Variants in TG observed in about 807,000 individuals in gnomAD.
TG encodes the protein thyroid hormones.
A neutral mutation model predicts 324.7 loss-of-function variants in TG; 270 were observed. That is an observed-to-expected ratio of 0.83 (90% CI 0.75 to 0.92). The LOEUF is 0.92. TG is among the 40% of genes least tolerant of loss of function. TG has a pLI of 0.00. For synonymous variants in TG, 1,401 were observed against 1,327.0 expected, an observed-to-expected ratio of 1.06 and a Z score of -1.21; for missense variants, 3,591 against 3,456.4, an observed-to-expected ratio of 1.04 and a Z score of -0.98.
chr8:132,921,962 A>G (rs1821170400), intron 21 of TG, among the ~76,000 whole-genome samples: 1 of 152,202 alleles, frequency 6.6e-6, no homozygotes, highest in South Asian at 2.1e-4. Context: ...ATTATCTTTC[A>G]CCTACTTCCC....
intron 41 of TG, among the ~76,000 whole-genome samples, chr8:133,041,208 C>T (rs1419469031): frequency 6.6e-6 from 1 of 152,242 alleles, no homozygotes. Context: ...CACCCCTGGC[C>T]TCAGAGCCAA....
chr8:132,882,893 C>T lies in TG; in HGVS notation c.969C>T (p.Gly323=). Reference sequence around the variant, plus strand: ...ATGTTCCAAGCTGCCGCCGAAATGGCGACTATCAGGCGGTGCAGTGCCAGA... The same window carrying T: ...ATGTTCCAAGCTGCCGCCGAAATGGTGACTATCAGGCGGTGCAGTGCCAGA... The part of the protein sequence containing the change: ...HPYVPSCRRN[G]DYQAVQCQTE... The change falls in exon 8 of 48, where the codon GGC becomes GGT. Residue 323 remains glycine, a synonymous_variant. Coordinates refer to ENST00000220616, the MANE Select transcript of TG (RefSeq NM_003235.5). 2 of 1,614,072 alleles carry T rather than the reference C, an allele frequency of 1.2e-6. No homozygotes were observed. Among genetic ancestry groups the T allele is most frequent in the East Asian group, 2.2e-5 (1 of 44,892 alleles).
At chr8:132,883,999 T>C (rs1047840245) in intron 8 of TG, among the ~76,000 whole-genome samples, 6 of 152,194 alleles carry the variant, frequency 3.9e-5, no homozygotes, top group African/African-American at 1.4e-4. Flanking sequence ...CAGCAATCTG[T>C]GCATTCTTTG....
intron 34 of TG, among the ~76,000 whole-genome samples, chr8:132,977,452 C>T (rs1830302493): frequency 6.6e-6 from 1 of 152,132 alleles, no homozygotes; most frequent in African/African-American, 2.4e-5. Context: ...AGCCCATTAA[C>T]ACTATGTATT....
chr8:133,132,020 G>A lies in TG; in HGVS notation c.7997+74G>A. 8 of 1,594,918 alleles carry A rather than the reference G, an allele frequency of 5.0e-6. No individual in the cohort carries two copies. In the South Asian group the frequency reaches 8.9e-5, roughly 18 times the overall value. On this transcript the variant is annotated intron_variant, in intron 46 of 47. Coordinates refer to ENST00000220616, the MANE Select transcript of TG (RefSeq NM_003235.5). ...CGCTTCCTTCAAGCAGAACGCAAAG[G>A]CCCAATTTGCATCGATAGACTCATC...
rs1817514765 is a variant in TG, at chr8:132,898,826, C to G, written c.3246C>G (p.Thr1082=). The change falls in exon 14 of 48, where the codon ACC becomes ACG. Residue 1082 remains threonine (T), a synonymous_variant. Coordinates refer to ENST00000220616, the MANE Select transcript of TG (RefSeq NM_003235.5). ...QCPTTCEKSR[T]SGLLSSWKQA... ...CGACAACCTGCGAGAAATCTCGAAC[C>G]AGTGGGCTGCTTTCCAGTTGGAAAC... The G allele has an allele frequency of 1.9e-6, 3 of 1,614,190 alleles. No homozygotes were observed. The highest frequency in any genetic ancestry group is 2.5e-6 in the Non-Finnish European group (3 of 1,180,032).
At position 133,131,944 on chromosome 8, in the gene TG, A is replaced by T. The variant is rs757648046; in HGVS notation, c.7995A>T (p.Ser2665=). ...AGTACTTTTCCCACTTCATCAGATCAGGGTAATTTTGGACCACTTGTTCAG... is the reference window on the plus strand; with the variant it reads ...AGTACTTTTCCCACTTCATCAGATCTGGGTAATTTTGGACCACTTGTTCAG... ...IMQYFSHFIR[S]GNPNYPYEFS... is the part of the protein sequence containing the mutation. Residue 2665 remains serine, a splice_region_variant and synonymous_variant, in exon 46 of 48, where the codon TCA becomes TCT. Transcript: ENST00000220616. 1.2e-6 allele frequency: 2 copies of T among 1,614,034 alleles called. No individual in the cohort carries two copies. Among genetic ancestry groups the T allele is most frequent in the South Asian group, 2.2e-5 (2 of 91,072 alleles).
chr8:132,952,537 A>G (rs924065149), intron 27 of TG, among the ~76,000 whole-genome samples: 1 of 152,160 alleles, frequency 6.6e-6, no homozygotes, highest in African/African-American at 2.4e-5. Flanking sequence ...TCGGGTGCAG[A>G]CACCTGCTTT....
At position 132,886,691 on chromosome 8, in the gene TG, T is replaced by G; in HGVS notation, c.1319T>G (p.Leu440Arg). The G allele has an allele frequency of 6.2e-7, 1 of 1,614,204 alleles. No individual in the cohort carries two copies. The highest frequency in any genetic ancestry group is 1.1e-5 in the South Asian group (1 of 91,084). ...CAGTTTTCTGTCTCAGAAAATCTTC[T>G]CAAAGAAGCCATCCGAGCAATTTTT... ...SQQFSVSENL[L>R]KEAIRAIFPS... Residue 440 changes from leucine to arginine, a missense_variant, in exon 9 of 48, where the codon CTC becomes CGC. Transcript: ENST00000220616.
intron 41 of TG, among the ~76,000 whole-genome samples, chr8:133,071,439 T>C (rs938032666): frequency 1.3e-5 from 2 of 152,180 alleles, no homozygotes; most frequent in East Asian, 1.9e-4. Flanking sequence ...AGAGCTCTCC[T>C]TTTTTCTGGC....
In TG at chr8:132,883,379, C is replaced by T. The variant is rs577060658; in HGVS notation, c.1075+380C>T. 11 of 257,296 alleles carry T rather than the reference C, an allele frequency of 4.3e-5. No individual in the cohort carries two copies. The South Asian group carries it at 5.8e-4, about 14-fold the overall frequency. The allele number at this position is 257,296 out of a possible 1,614,324, so 15.9% of individuals were successfully genotyped here. ...ATTTAGGAAGAATGCATGGAAGAGGCCATACTTGATCAGAATCTTCTAAGA... is the reference window on the plus strand; with the variant it reads ...ATTTAGGAAGAATGCATGGAAGAGGTCATACTTGATCAGAATCTTCTAAGA... On this transcript the variant is annotated intron_variant, in intron 8 of 47. Transcript: ENST00000220616.
chr8:132,971,791 C>A lies in TG; in HGVS notation c.5976-3C>A. 6.2e-7 allele frequency: 1 copy of A among 1,610,816 alleles called. No homozygotes were observed. Among genetic ancestry groups the A allele is most frequent in the South Asian group, 1.1e-5 (1 of 91,012 alleles). Reference sequence around the variant, plus strand: ...AGGCCTGCTCTTTCTCTTCCTATGCCAGGTTCTTTGAATGTGAACGACGGT... The same window carrying A: ...AGGCCTGCTCTTTCTCTTCCTATGCAAGGTTCTTTGAATGTGAACGACGGT... On this transcript the variant is annotated splice_region_variant and splice_polypyrimidine_tract_variant and intron_variant, in intron 32 of 47. Coordinates refer to ENST00000220616, the MANE Select transcript of TG (RefSeq NM_003235.5).
chr8:133,037,099 A>C (rs1587824325), intron 41 of TG: 1 of 152,338 alleles, frequency 6.6e-6, no homozygotes, highest in East Asian at 1.9e-4. Flanking sequence ...ATGAGCTCAG[A>C]TGGACGGAAT....
At chr8:133,051,687 T>G (rs1319033712) in intron 41 of TG, among the ~76,000 whole-genome samples, 4 of 152,208 alleles carry the variant, frequency 2.6e-5, no homozygotes, top group Non-Finnish European at 5.9e-5. Context: ...GTGATTTTGC[T>G]TTTTGACACT....
At position 132,957,766 on chromosome 8, in the gene TG, C is replaced by CACACACAG. The variant is rs1554680124; in HGVS notation, c.5402-3235_5402-3234insGACACACA. Among the ~76,000 whole-genome samples the CACACACAG allele has an allele frequency of 3.5e-3, 505 of 145,568 alleles. 5 individuals carry two copies. The highest frequency in any genetic ancestry group is 0.023 in the East Asian group (108 of 4,768). On this transcript the variant is annotated intron_variant, in intron 27 of 47. Transcript: ENST00000220616. ...CTACACACACACACACACACACACA[C>CACACACAG]ACACACACACACACACACGTATGTA...
intron 44 of TG, among the ~76,000 whole-genome samples, chr8:133,113,868 G>C (rs1850475762): frequency 6.6e-6 from 1 of 152,178 alleles, no homozygotes; most frequent in Admixed American, 6.5e-5. Flanking sequence ...GGCCATGAGG[G>C]AGCTGTCGGA....
chr8:132,930,479 G>A (rs544629668), intron 23 of TG, among the ~76,000 whole-genome samples: 1 of 152,268 alleles, frequency 6.6e-6, no homozygotes, highest in South Asian at 2.1e-4. Context: ...TCAGGAGTTC[G>A]TGACCAGCCT....
chr8:133,052,500 T>C (rs1227024025), intron 41 of TG, among the ~76,000 whole-genome samples: 1 of 152,174 alleles, frequency 6.6e-6, no homozygotes, highest in Non-Finnish European at 1.5e-5. Context: ...CTCTGACCTG[T>C]CCTGCTGCAG....
intron 23 of TG, among the ~76,000 whole-genome samples, chr8:132,929,600 T>C (rs1822394168): frequency 7.1e-6 from 1 of 141,068 alleles, no homozygotes. Context: ...ATTGCTATCC[T>C]GAGTTACAGA....
Sources: gnomAD v4.1 joint callset for allele counts (sites outside exome capture counted in the v4.1 genomes callset) on GRCh38, gnomAD v4.1.1 for gene constraint, MANE v1.5 for transcripts, NCBI Gene and HGNC (gene_info 2026-07-23, HGNC 2026-07-21) for gene names.